The following CD247 variants were observed in gnomAD, a reference collection of about 807,000 sequenced individuals.
CD247 encodes T-cell surface glycoprotein CD3 zeta chain.
Under a neutral mutation model 30.0 loss-of-function variants are expected in CD247, and 13 were observed. That is an observed-to-expected ratio of 0.43 (90% CI 0.28 to 0.69). The LOEUF (loss-of-function observed/expected upper bound fraction) is 0.69, where lower values mean the gene tolerates loss of function less well. Ranked by LOEUF, CD247 falls within the 30% of genes least tolerant of loss-of-function variation. CD247 has a pLI of 0.16. For missense variants in CD247, 193 were observed against 212.6 expected (o/e 0.91, Z 0.57); for synonymous variants, 72 against 80.0 (o/e 0.90, Z 0.53).
At chr1:167,490,875 T>A (rs988126995) in intron 1 of CD247, among the ~76,000 whole-genome samples, 1 of 151,968 alleles carries the variant, frequency 6.6e-6, no homozygotes, top group East Asian at 1.9e-4. Flanking sequence ...GAGGCCGAGA[T>A]TGCAGTGAGC....
At chr1:167,492,445 G>A (rs1304127215) in intron 1 of CD247, among the ~76,000 whole-genome samples, 2 of 152,174 alleles carry the variant, frequency 1.3e-5, no homozygotes, top group Admixed American at 1.3e-4. Flanking sequence ...TGCTCTCAGA[G>A]ACAAAGGTAG....
At chr1:167,517,647 C>T (rs973494215) in intron 1 of CD247, among the ~76,000 whole-genome samples, 12 of 152,328 alleles carry the variant, frequency 7.9e-5, no homozygotes, top group Non-Finnish European at 1.6e-4. Flanking sequence ...TCATCTGCCC[C>T]GTGTTCTGTC....
rs200921296 is a variant in CD247, at chr1:167,438,684, G to A, written c.220-34C>T. ...GATAAGAAAGTGTCAGACACAGGAC[G>A]GAGGAACCTCAGAAGGATGGAGCCA... On this transcript the variant is annotated intron_variant, in intron 3 of 7. Transcript: ENST00000362089. 27 of 1,543,298 alleles carry A rather than the reference G, an allele frequency of 1.7e-5. No homozygotes were observed. The South Asian group carries it at 2.2e-4, about 13-fold the overall frequency.
intron 1 of CD247, among the ~76,000 whole-genome samples, chr1:167,508,660 G>A (rs1392328457): frequency 1.3e-5 from 2 of 152,154 alleles, no homozygotes; most frequent in Non-Finnish European, 2.9e-5. Flanking sequence ...GATTTCTCTC[G>A]ACTCTGTGGA....
intron 1 of CD247, among the ~76,000 whole-genome samples, chr1:167,467,872 A>G (rs1653329404): frequency 6.6e-6 from 1 of 152,184 alleles, no homozygotes. Flanking sequence ...GACATTTGGT[A>G]ACAAATAGAA....
At chr1:167,499,074 C>G (rs1254985846) in intron 1 of CD247, among the ~76,000 whole-genome samples, 1 of 152,090 alleles carries the variant, frequency 6.6e-6, no homozygotes, top group African/African-American at 2.4e-5. Flanking sequence ...ATGGCCTAAT[C>G]ATCACGGAGT....
chr1:167,480,713 T>A (rs1482607616), intron 1 of CD247, among the ~76,000 whole-genome samples: 1 of 152,252 alleles, frequency 6.6e-6, no homozygotes, highest in African/African-American at 2.4e-5. Flanking sequence ...AATGTGAAGA[T>A]AAATGCTCAT....
At chr1:167,470,696 A>C (rs543366248) in intron 1 of CD247, among the ~76,000 whole-genome samples, 3 of 150,586 alleles carry the variant, frequency 2.0e-5, no homozygotes, top group Non-Finnish European at 4.4e-5. Context: ...TGTTTGTTTG[A>C]TTTTTCTTAG....
At chr1:167,466,443 T>A (rs549349931) in intron 1 of CD247, among the ~76,000 whole-genome samples, 16 of 152,198 alleles carry the variant, frequency 1.1e-4, no homozygotes, top group Admixed American at 5.2e-4. Context: ...AATTTAGAAC[T>A]AATGTTGTTG....
At chr1:167,486,878 A>G (rs1189144822) in intron 1 of CD247, among the ~76,000 whole-genome samples, 1 of 152,184 alleles carries the variant, frequency 6.6e-6, no homozygotes, top group Non-Finnish European at 1.5e-5. Context: ...GTTCAAGACC[A>G]GTCTGGCCAA....
At chr1:167,478,095 G>C (rs535133956) in intron 1 of CD247, among the ~76,000 whole-genome samples, 1 of 152,352 alleles carries the variant, frequency 6.6e-6, no homozygotes, top group East Asian at 1.9e-4. Flanking sequence ...CAAAAGGCCA[G>C]ACGAGCCAGA....
chr1:167,485,673 G>T (rs1413887743), intron 1 of CD247, among the ~76,000 whole-genome samples: 3 of 152,094 alleles, frequency 2.0e-5, no homozygotes, highest in Non-Finnish European at 4.4e-5. Flanking sequence ...CTTACTAGGT[G>T]GTTAACGCCA....
chr1:167,431,313 A>G lies in CD247; in HGVS notation c.*368T>C, dbSNP rs987433206. ...CACAGAGTGATACAGACATTAGGGC[A>G]TGTGCTAGCATCTGCGCTTTCTCTG... is the stretch of plus-strand genomic sequence containing the variant. On this transcript the variant is annotated 3_prime_UTR_variant, in exon 8 of 8. Coordinates refer to ENST00000362089, the MANE Select transcript of CD247 (RefSeq NM_198053.3). 1.5e-5 allele frequency: 9 copies of G among 582,986 alleles called. No individual in the cohort carries two copies. Among genetic ancestry groups the G allele is most frequent in the Non-Finnish European group, 2.7e-5 (9 of 328,720 alleles). The allele number at this position is 582,986 out of a possible 1,614,324, so 36.1% of individuals were successfully genotyped here. A position where few individuals can be genotyped will look rare whatever the true frequency, so the allele number is the denominator to read the frequency against.
At chr1:167,440,397 G>C (rs1308063547) in intron 2 of CD247, 1 of 527,440 alleles carries the variant, frequency 1.9e-6, no homozygotes, top group African/African-American at 1.9e-5. Context: ...CGCCTTCCCT[G>C]GGACACTCTG....
At chr1:167,448,277 A>C (rs1388238310) in intron 1 of CD247, 2 of 781,702 alleles carry the variant, frequency 2.6e-6, no homozygotes, top group East Asian at 1.3e-4. Context: ...TAATGTCTAC[A>C]GCCAGGGTTG....
intron 1 of CD247, among the ~76,000 whole-genome samples, chr1:167,492,907 AG>A (rs921999995): frequency 6.6e-6 from 1 of 152,098 alleles, no homozygotes; most frequent in Admixed American, 6.5e-5. Context: ...GAGGCAGGAA[AG>A]GGGCTGAGTA....
chr1:167,442,069 C>T (rs1335023993), intron 1 of CD247, among the ~76,000 whole-genome samples: 1 of 152,188 alleles, frequency 6.6e-6, no homozygotes, highest in East Asian at 1.9e-4. Flanking sequence ...CGAGATCACG[C>T]CACTGCACTT....
chr1:167,516,753 A>G (rs543417509), intron 1 of CD247, among the ~76,000 whole-genome samples: 16 of 152,286 alleles, frequency 1.1e-4, no homozygotes, highest in African/African-American at 3.6e-4. Context: ...AAATCCAGCC[A>G]ATGTGCAGTT....
chr1:167,493,119 T>A (rs1300922527), intron 1 of CD247, among the ~76,000 whole-genome samples: 3 of 134,048 alleles, frequency 2.2e-5, no homozygotes, highest in African/African-American at 5.6e-5. Flanking sequence ...CTCGGCTCAC[T>A]GCAACTGCCA....
Sources: allele counts gnomAD v4.1 joint callset (sites outside exome capture counted in the v4.1 genomes callset), GRCh38; gene constraint gnomAD v4.1.1; transcripts MANE v1.5; gene names NCBI Gene and HGNC (gene_info 2026-07-23, HGNC 2026-07-21).